The following NRXN3 variants were observed in gnomAD, a reference collection of about 807,000 sequenced individuals.
NRXN3 encodes neurexin III.
A neutral mutation model predicts 137.6 loss-of-function variants in NRXN3; 32 were observed. The observed-to-expected ratio is 0.23, with a 90% CI of 0.18 to 0.31. The LOEUF (loss-of-function observed/expected upper bound fraction) is 0.31. NRXN3 is among the 10% of genes least tolerant of loss of function. The pLI is 1.00. For synonymous variants in NRXN3, 798 were observed against 784.5 expected, an observed-to-expected ratio of 1.02 and a Z score of -0.29; for missense variants, 1,574 against 2,062.5, an observed-to-expected ratio of 0.76 and a Z score of 4.59.
chr14:78,684,802 C>T (rs930462185), intron 6 of NRXN3, among the ~76,000 whole-genome samples: 1 of 152,176 alleles, frequency 6.6e-6, no homozygotes, highest in East Asian at 1.9e-4. Flanking sequence ...TCAAAAACAA[C>T]AACAAAATAT....
At chr14:78,987,980 C>T (rs1209977417) in intron 14 of NRXN3, 42 bp from the exon 15 acceptor site, 2 of 1,586,866 alleles carry the variant, frequency 1.3e-6, no homozygotes, top group East Asian at 4.5e-5. Flanking sequence ...TTTCTTCTCT[C>T]TCTCCTTTTT....
intron 15 of NRXN3, among the ~76,000 whole-genome samples, chr14:79,065,926 C>T (rs944155076): frequency 2.7e-4 from 41 of 152,028 alleles, no homozygotes; most frequent in African/African-American, 8.2e-4. Context: ...TTAAGCCTGG[C>T]ATCCATTAGC....
At chr14:78,720,475 G>A (rs979235452) in intron 8 of NRXN3, among the ~76,000 whole-genome samples, 17 of 152,170 alleles carry the variant, frequency 1.1e-4, no homozygotes, top group African/African-American at 4.1e-4. Context: ...AAATCTTGAG[G>A]TCTTCCTTCC....
At chr14:78,336,351 C>T in intron 4 of NRXN3, among the ~76,000 whole-genome samples, 1 of 152,140 alleles carries the variant, frequency 6.6e-6, no homozygotes, top group East Asian at 1.9e-4. Flanking sequence ...CGAAGCTGTG[C>T]CTCTCTTCCC....
chr14:78,880,434 C>A (rs1352765452), intron 10 of NRXN3, among the ~76,000 whole-genome samples: 3 of 151,952 alleles, frequency 2.0e-5, no homozygotes, highest in Non-Finnish European at 4.4e-5. Context: ...TGGGAGAGGG[C>A]CTCCCAATAG....
At chr14:79,267,046 C>A (rs2078552302) in intron 15 of NRXN3, among the ~76,000 whole-genome samples, 1 of 152,096 alleles carries the variant, frequency 6.6e-6, no homozygotes, top group South Asian at 2.1e-4. Flanking sequence ...CACAGGAGGG[C>A]ACAAAAGATA....
rs530043487 is a variant in NRXN3, at chr14:78,382,306, A to G, written c.757+84446A>G. On this transcript the variant is annotated intron_variant, in intron 4 of 20. Transcript: ENST00000335750. ...AAAAAGTTCAGTATGATGAGGTGGAAGAGAGGATTTGTGGGCTGATGGATA... is the reference window on the plus strand; with the variant it reads ...AAAAAGTTCAGTATGATGAGGTGGAGGAGAGGATTTGTGGGCTGATGGATA... Among the ~76,000 whole-genome samples, 4 of 152,298 alleles carry G rather than the reference A, an allele frequency of 2.6e-5. No individual in the cohort carries two copies. In the South Asian group the frequency reaches 8.3e-4, roughly 32 times the overall value.
chr14:78,990,067 G>T (rs1158441042), intron 15 of NRXN3, among the ~76,000 whole-genome samples: 2 of 152,076 alleles, frequency 1.3e-5, no homozygotes, highest in African/African-American at 4.8e-5. Context: ...TGTCTGACTT[G>T]GGGAATTTGT....
At position 78,620,627 on chromosome 14, in the gene NRXN3, G is replaced by A. The variant is rs530255377; in HGVS notation, c.758-24493G>A. Among the ~76,000 whole-genome samples the A allele has an allele frequency of 6.8e-4, 104 of 152,272 alleles. 1 individual carries two copies. The highest frequency in any genetic ancestry group is 2.4e-3 in the African/African-American group (99 of 41,554). On this transcript the variant is annotated intron_variant, in intron 4 of 20. Coordinates refer to ENST00000335750, the MANE Select transcript of NRXN3 (RefSeq NM_001330195.2). ...TATAGAGGAAGATGAAAGCACTGTC[G>A]TGTTTACGGTGCTGGAAATTATATT...
chr14:79,275,122 C>A (rs2153432174), intron 15 of NRXN3, among the ~76,000 whole-genome samples: 1 of 152,210 alleles, frequency 6.6e-6, no homozygotes, highest in Admixed American at 6.5e-5. Context: ...TGTAATAAAG[C>A]AAAGTCGAAC....
In NRXN3 at chr14:79,864,730, TTTTG is replaced by T. The variant is rs1450315047; in HGVS notation, c.*2770_*2773del. 6 of 152,082 alleles carry T rather than the reference TTTTG, an allele frequency of 3.9e-5. No individual in the cohort carries two copies. Among genetic ancestry groups the T allele is most frequent in the African/African-American group, 1.5e-4 (6 of 41,370 alleles). The allele number at this position is 152,082 out of a possible 1,614,324, so 9.4% of individuals were successfully genotyped here. On this transcript the variant is annotated 3_prime_UTR_variant, in exon 21 of 21. Transcript: ENST00000335750. Reference sequence around the variant, plus strand: ...GGATACTATGGTTTTGTTTGTTTGTTTTTGTTTTTTGTTTTTCGTTTTTTGTTTG... The same window carrying T: ...GGATACTATGGTTTTGTTTGTTTGTTTTTTTTGTTTTTCGTTTTTTGTTTG...
At chr14:78,794,011 A>G (rs1435403607) in intron 8 of NRXN3, among the ~76,000 whole-genome samples, 1 of 152,190 alleles carries the variant, frequency 6.6e-6, no homozygotes, top group African/African-American at 2.4e-5. Context: ...GAAGGAGAAA[A>G]TGTCAAAGAA....
At chr14:79,391,598 G>C (rs1454503138) in intron 15 of NRXN3, among the ~76,000 whole-genome samples, 1 of 152,128 alleles carries the variant, frequency 6.6e-6, no homozygotes, top group African/African-American at 2.4e-5. Context: ...CATAAATATC[G>C]TAAAACTAAA....
chr14:78,494,748 C>T (rs1010118918), intron 4 of NRXN3, among the ~76,000 whole-genome samples: 3 of 152,122 alleles, frequency 2.0e-5, no homozygotes, highest in East Asian at 1.9e-4. Flanking sequence ...ATGAATAAAT[C>T]GCCACCCAAA....
chr14:79,746,352 G>A (rs2098979685), intron 19 of NRXN3, among the ~76,000 whole-genome samples: 2 of 152,088 alleles, frequency 1.3e-5, no homozygotes, highest in African/African-American at 4.8e-5. Flanking sequence ...GAGTCAGGGT[G>A]CTGAGCACTT....
chr14:79,758,792 C>T (rs917927745), intron 19 of NRXN3, among the ~76,000 whole-genome samples: 7 of 152,120 alleles, frequency 4.6e-5, no homozygotes, highest in South Asian at 4.1e-4. Context: ...GAAACCTTAA[C>T]GGGACTGTTG....
intron 11 of NRXN3, among the ~76,000 whole-genome samples, chr14:78,958,863 TG>T (rs1169589984): frequency 6.6e-6 from 1 of 152,228 alleles, no homozygotes; most frequent in Non-Finnish European, 1.5e-5. Context: ...ATGCAGTCAG[TG>T]GCCTAAGCCA....
In NRXN3 at chr14:78,966,125, T is replaced by G. The variant is rs1234932727; in HGVS notation, c.2496T>G (p.Ile832Met). The G allele has an allele frequency of 6.2e-7, 1 of 1,614,192 alleles. No homozygotes were observed. Among genetic ancestry groups the G allele is most frequent in the South Asian group, 1.1e-5 (1 of 91,082 alleles). Residue 832 changes from isoleucine (I) to methionine (M), a missense_variant, in exon 12 of 21, where the codon ATT (isoleucine) becomes ATG (methionine). Ile to Met is a conservative substitution (Grantham distance 10). Coordinates refer to ENST00000335750, the MANE Select transcript of NRXN3 (RefSeq NM_001330195.2). ...TCTCCGTTGTCCCCTCCAGCTTTAT[T>G]GGCCATCTGCAGAGCCTCATGTTTA... ...RYISVVPSSF[I>M]GHLQSLMFNG...
At chr14:78,907,840 T>G (rs2099223028) in intron 10 of NRXN3, among the ~76,000 whole-genome samples, 1 of 152,032 alleles carries the variant, frequency 6.6e-6, no homozygotes, top group Admixed American at 6.6e-5. Context: ...CCCCTCTATG[T>G]GTCCATGCGT....
Sources: gnomAD v4.1 joint callset for allele counts (sites outside exome capture counted in the v4.1 genomes callset) on GRCh38, gnomAD v4.1.1 for gene constraint, MANE v1.5 for transcripts, NCBI Gene and HGNC (gene_info 2026-07-23, HGNC 2026-07-21) for gene names.